KPNA4: variants seen among roughly 807,000 people sequenced by gnomAD.
The protein encoded by KPNA4 is karyopherin subunit alpha 4, also known as importin subunit alpha-3.
Under a neutral mutation model 71.3 loss-of-function variants are expected in KPNA4, and 13 were observed. The observed-to-expected ratio is 0.18, with a 90% CI of 0.12 to 0.29. The LOEUF is 0.29. Among genes scored for constraint, KPNA4 ranks in the 10% least tolerant of loss-of-function variants. The pLI, the probability that KPNA4 is intolerant of heterozygous loss-of-function variation, is 1.00. For synonymous variants in KPNA4, 189 were observed against 195.2 expected (o/e 0.97, Z 0.26); for missense variants, 334 against 603.2 (o/e 0.55, Z 4.67).
In KPNA4 at chr3:160,511,121, T is replaced by A. The variant is rs548934134; in HGVS notation, c.1138-1250A>T. Among the ~76,000 whole-genome samples the A allele has an allele frequency of 4.0e-4, 60 of 149,678 alleles. 2 individuals carry two copies. In the South Asian group the frequency reaches 0.012, roughly 29 times the overall value. On this transcript the variant is annotated intron_variant, in intron 13 of 16. Transcript: ENST00000334256. The stretch of plus-strand genomic sequence containing the variant: ...TATTCTTTTATTTATTTATTTATTT[T>A]TTGAGATGGAGTCTCGCTCTGTCAC...
In KPNA4 at chr3:160,515,523, C is replaced by T; in HGVS notation, c.961G>A (p.Val321Ile). ...IVTGTDEQTQ[V>I]VLNCDALSHF... is the part of the protein sequence containing the mutation. ...GAAAGAGCATCACAGTTCAAAACTA[C>T]TTGTGTTTGCTCATCAGTTCCAGTA... is the stretch of plus-strand genomic sequence containing the variant. The change falls in exon 12 of 17, where the codon GTA becomes ATA. Residue 321 changes from valine (V) to isoleucine (I), a missense_variant. Transcript: ENST00000334256. 6.2e-7 allele frequency: 1 copy of T among 1,613,746 alleles called. No individual in the cohort carries two copies. The highest frequency in any genetic ancestry group is 8.5e-7 in the Non-Finnish European group (1 of 1,179,746).
intron 10 of KPNA4, among the ~76,000 whole-genome samples, chr3:160,522,746 C>T (rs62272790): frequency 0.041 from 6,289 of 152,352 alleles, 217 homozygotes; most frequent in Middle Eastern, 0.078. Flanking sequence ...GCGTAAGCCA[C>T]TGCGCCCGGC....
In KPNA4 at chr3:160,558,546, T is replaced by C. The variant is rs568761192; in HGVS notation, c.69+6668A>G. On this transcript the variant is annotated intron_variant, in intron 1 of 16. Coordinates refer to ENST00000334256, the MANE Select transcript of KPNA4 (RefSeq NM_002268.5). The stretch of plus-strand genomic sequence containing the variant: ...GAGTTCAAACCCAGACCTAAGTGAC[T>C]CTACAGTCCATGTCTTTTAACCCCT... Among the ~76,000 whole-genome samples, 32 of 152,298 alleles carry C rather than the reference T, an allele frequency of 2.1e-4. 1 individual carries two copies. Among genetic ancestry groups the C allele is most frequent in the Middle Eastern group, 3.4e-3 (1 of 294 alleles).
chr3:160,502,749 C>A (rs1720908941), intron 16 of KPNA4, among the ~76,000 whole-genome samples: 1 of 152,092 alleles, frequency 6.6e-6, no homozygotes, highest in African/African-American at 2.4e-5. Context: ...AATGAAGGAA[C>A]AGTAATGATG....
rs1336119077 is a variant in KPNA4 at position 160,495,615 on chromosome 3, T to TA, written c.*6488dup. On this transcript the variant is annotated 3_prime_UTR_variant, in exon 17 of 17. Coordinates refer to ENST00000334256, the MANE Select transcript of KPNA4 (RefSeq NM_002268.5). Reference sequence around the variant, plus strand: ...AGGTTAGGATGACTAGGACTGCCACTATGCTAAAGACCACTCAACTGAATA... The same window carrying TA: ...AGGTTAGGATGACTAGGACTGCCACTAATGCTAAAGACCACTCAACTGAATA... 1 of 151,954 alleles carries TA rather than the reference T, an allele frequency of 6.6e-6. No individual in the cohort carries two copies. The highest frequency in any genetic ancestry group is 2.4e-5 in the African/African-American group (1 of 41,364). The allele number at this position is 151,954 out of a possible 1,614,324, so 9.4% of individuals were successfully genotyped here.
intron 1 of KPNA4, among the ~76,000 whole-genome samples, chr3:160,551,587 TAG>T (rs1475604004): frequency 1.3e-5 from 2 of 152,142 alleles, no homozygotes; most frequent in African/African-American, 4.8e-5. Context: ...TTGCCTGAAG[TAG>T]AGAGTCAGAG....
At chr3:160,549,892 T>C (rs953302917) in intron 1 of KPNA4, among the ~76,000 whole-genome samples, 1 of 152,244 alleles carries the variant, frequency 6.6e-6, no homozygotes, top group African/African-American at 2.4e-5. Context: ...GAACATTGGA[T>C]TGTTTTCCAT....
intron 16 of KPNA4, among the ~76,000 whole-genome samples, chr3:160,503,051 C>CT (rs11457427): frequency 0.045 from 6,796 of 152,174 alleles, 286 homozygotes; most frequent in African/African-American, 0.11. Flanking sequence ...GCAGAGGTTG[C>CT]AGTGAGCCAA....
chr3:160,558,544 A>C (rs977055781), intron 1 of KPNA4, among the ~76,000 whole-genome samples: 5 of 152,084 alleles, frequency 3.3e-5, no homozygotes, highest in African/African-American at 1.2e-4. Context: ...GACCTAAGTG[A>C]CTCTACAGTC....
chr3:160,546,853 A>G (rs749918698), intron 1 of KPNA4, among the ~76,000 whole-genome samples: 35 of 152,208 alleles, frequency 2.3e-4, no homozygotes, highest in African/African-American at 7.7e-4. Context: ...ACTGAACTGA[A>G]TAAGTTACAA....
chr3:160,509,737 C>T, intron 14 of KPNA4, 63 bp downstream of exon 14: 1 of 1,082,932 alleles, frequency 9.2e-7, no homozygotes, highest in Non-Finnish European at 1.4e-6. Context: ...AAATCTAAAT[C>T]AATATTACCT....
intron 11 of KPNA4, among the ~76,000 whole-genome samples, chr3:160,521,464 G>C (rs1721347231): frequency 6.6e-6 from 1 of 152,136 alleles, no homozygotes; most frequent in Non-Finnish European, 1.5e-5. Flanking sequence ...AGCTACACAT[G>C]ATGGTGTGTG....
intron 1 of KPNA4, among the ~76,000 whole-genome samples, chr3:160,555,888 A>C (rs1722126360): frequency 6.6e-6 from 1 of 151,944 alleles, no homozygotes; most frequent in South Asian, 2.1e-4. Flanking sequence ...CTGGAGTGTA[A>C]TGGCCCGATC....
chr3:160,498,877 T>C lies in KPNA4; in HGVS notation c.*3227A>G, dbSNP rs1157126999. Reference sequence around the variant, plus strand: ...TAAGACACTAAATTTATGGTAATTATACCAAAATTACACAGCAGTTATTCT... The same window carrying C: ...TAAGACACTAAATTTATGGTAATTACACCAAAATTACACAGCAGTTATTCT... On this transcript the variant is annotated 3_prime_UTR_variant, in exon 17 of 17. Transcript: ENST00000334256. The C allele has an allele frequency of 2.6e-5, 4 of 152,230 alleles. No homozygotes were observed. The highest frequency in any genetic ancestry group is 9.6e-5 in the African/African-American group (4 of 41,464). The allele number at this position is 152,230 out of a possible 1,614,324, so 9.4% of individuals were successfully genotyped here. A position where few individuals can be genotyped will look rare whatever the true frequency, so the allele number is the denominator to read the frequency against.
At chr3:160,535,393 T>G in intron 5 of KPNA4, 120 bp downstream of exon 5, 1 of 610,562 alleles carries the variant, frequency 1.6e-6, no homozygotes, top group Non-Finnish European at 2.9e-6. Flanking sequence ...TCTATTACTA[T>G]TTACTATTGT....
chr3:160,528,558 G>A (rs1721506079), intron 7 of KPNA4, among the ~76,000 whole-genome samples: 1 of 152,136 alleles, frequency 6.6e-6, no homozygotes, highest in African/African-American at 2.4e-5. Context: ...TAGCGACAGG[G>A]TTTCACCGTA....
chr3:160,560,341 TAC>T (rs778979766), intron 1 of KPNA4, among the ~76,000 whole-genome samples: 4 of 152,220 alleles, frequency 2.6e-5, no homozygotes, highest in Admixed American at 6.5e-5. Flanking sequence ...GAAATGTGAA[TAC>T]AGTTAAAAGC....
intron 11 of KPNA4, among the ~76,000 whole-genome samples, chr3:160,516,342 ACAGAGATGT>A (rs1177055892): frequency 6.6e-6 from 1 of 151,036 alleles, no homozygotes; most frequent in African/African-American, 2.5e-5. Flanking sequence ...TGATGTAGGA[ACAGAGATGT>A]GAAGATAGAC....
intron 13 of KPNA4, among the ~76,000 whole-genome samples, chr3:160,510,339 TATAC>T (rs1253008621): frequency 2.3e-5 from 3 of 132,156 alleles, no homozygotes; most frequent in East Asian, 2.0e-4. Flanking sequence ...AAAAAATTCA[TATAC>T]ATAAACTTCA....
Sources: gnomAD v4.1 joint callset for allele counts (sites outside exome capture counted in the v4.1 genomes callset) on GRCh38, gnomAD v4.1.1 for gene constraint, MANE v1.5 for transcripts, NCBI Gene and HGNC (gene_info 2026-07-23, HGNC 2026-07-21) for gene names.